FRMD4B: variants seen among roughly 807,000 people sequenced by gnomAD.
FRMD4B encodes the protein FERM domain-containing protein 4B.
A neutral mutation model predicts 141.5 loss-of-function variants in FRMD4B; 74 were observed. The observed-to-expected ratio is 0.52, with a 90% confidence interval of 0.43 to 0.63. The LOEUF (loss-of-function observed/expected upper bound fraction) is 0.63, where lower values mean the gene tolerates loss of function less well. FRMD4B is among the 30% of genes least tolerant of loss of function. FRMD4B has a pLI of 0.00. For synonymous variants in FRMD4B, 506 were observed against 467.9 expected, an observed-to-expected ratio of 1.08 and a Z score of -1.05; for missense variants, 1,366 against 1,253.4, an observed-to-expected ratio of 1.09 and a Z score of -1.36.
At chr3:69,206,571 G>A (rs1197943410) in intron 11 of FRMD4B, among the ~76,000 whole-genome samples, 1 of 152,172 alleles carries the variant, frequency 6.6e-6, no homozygotes, top group South Asian at 2.1e-4. Context: ...TAAGACTCTC[G>A]TTAGCGTGCT....
chr3:69,464,006 T>C (rs1398742341), intron 1 of FRMD4B, among the ~76,000 whole-genome samples: 2 of 152,200 alleles, frequency 1.3e-5, no homozygotes, highest in African/African-American at 4.8e-5. Flanking sequence ...AAACTGTGAA[T>C]AAGTGAAGCC....
chr3:69,512,214 G>A (rs894757755), intron 1 of FRMD4B, among the ~76,000 whole-genome samples: 3 of 152,164 alleles, frequency 2.0e-5, no homozygotes, highest in Admixed American at 2.0e-4. Flanking sequence ...CGGGGCTGGA[G>A]TTAAGAGGAA....
In FRMD4B at chr3:69,302,440, G is replaced by A. The variant is rs1298442116; in HGVS notation, c.324-5C>T. ...TGCAGCCAGTTCTGCTGACCTCTGT[G>A]AGAGCAAAGCAAAGAAAAAGGATTC... On this transcript the variant is annotated splice_region_variant and splice_polypyrimidine_tract_variant and intron_variant, in intron 3 of 22. Transcript: ENST00000398540. 1 of 1,541,834 alleles carries A rather than the reference G, an allele frequency of 6.5e-7. No individual in the cohort carries two copies. Among genetic ancestry groups the A allele is most frequent in the Non-Finnish European group, 8.9e-7 (1 of 1,119,960 alleles).
chr3:69,330,489 G>A (rs1313821746), intron 1 of FRMD4B, among the ~76,000 whole-genome samples: 3 of 151,416 alleles, frequency 2.0e-5, no homozygotes, highest in Non-Finnish European at 2.9e-5. Flanking sequence ...TGGGATTACA[G>A]GTGTGCGGAA....
intron 1 of FRMD4B, among the ~76,000 whole-genome samples, chr3:69,479,852 C>G (rs1021802059): frequency 2.0e-5 from 3 of 152,160 alleles, no homozygotes; most frequent in African/African-American, 7.2e-5. Flanking sequence ...AGCAATCTGA[C>G]GTAGATTTGG....
chr3:69,434,627 A>G (rs1333498867), intron 1 of FRMD4B, among the ~76,000 whole-genome samples: 1 of 152,234 alleles, frequency 6.6e-6, no homozygotes, highest in Non-Finnish European at 1.5e-5. Flanking sequence ...AACTATTAAC[A>G]TGCAGGAGGG....
At chr3:69,175,512 T>C (rs905789853) in intron 22 of FRMD4B, among the ~76,000 whole-genome samples, 1 of 152,112 alleles carries the variant, frequency 6.6e-6, no homozygotes, top group Non-Finnish European at 1.5e-5. Context: ...ATAACAAACA[T>C]AGGATCAGAT....
chr3:69,308,542 A>G (rs555430024), intron 3 of FRMD4B, among the ~76,000 whole-genome samples: 1 of 151,904 alleles, frequency 6.6e-6, no homozygotes, highest in Admixed American at 6.6e-5. Context: ...GGCTCATGCA[A>G]TCCTCCCACC....
intron 1 of FRMD4B, among the ~76,000 whole-genome samples, chr3:69,444,203 C>T (rs1158220929): frequency 3.9e-5 from 6 of 152,156 alleles, no homozygotes; most frequent in Admixed American, 3.9e-4. Context: ...GAGTAACAGC[C>T]CCAATCCTTC....
At chr3:69,402,262 A>C (rs1704575955) in intron 2 of FRMD4B, among the ~76,000 whole-genome samples, 1 of 152,144 alleles carries the variant, frequency 6.6e-6, no homozygotes, top group Non-Finnish European at 1.5e-5. Flanking sequence ...CTTCTGGGAA[A>C]CCTAGCTTAA....
Position 69,319,311 on chromosome 3 carries a change from A to C in FRMD4B, c.163-5794T>G, listed in dbSNP as rs1701915399. On this transcript the variant is annotated intron_variant, in intron 1 of 22. Transcript: ENST00000398540. Reference sequence around the variant, plus strand: ...CCTGACAGCATTTAATCTGAAACTCAGAATAAAATCAGCCACTTCTGAGGC... The same window carrying C: ...CCTGACAGCATTTAATCTGAAACTCCGAATAAAATCAGCCACTTCTGAGGC... Among the ~76,000 whole-genome samples the C allele has an allele frequency of 2.0e-5, 3 of 152,226 alleles. No individual in the cohort carries two copies. The South Asian group carries it at 6.2e-4, about 31-fold the overall frequency.
intron 18 of FRMD4B, among the ~76,000 whole-genome samples, chr3:69,189,014 G>A (rs2107625123): frequency 6.6e-6 from 1 of 152,032 alleles, no homozygotes; most frequent in Middle Eastern, 3.4e-3. Flanking sequence ...CTTAGGTCAG[G>A]AGTTCGAGAC....
chr3:69,347,971 A>G (rs1703002954), intron 1 of FRMD4B, among the ~76,000 whole-genome samples: 1 of 152,220 alleles, frequency 6.6e-6, no homozygotes, highest in South Asian at 2.1e-4. Context: ...AAGGCAAGAA[A>G]TAACTAAGAT....
chr3:69,268,674 G>A (rs2093579927), intron 5 of FRMD4B, among the ~76,000 whole-genome samples: 1 of 151,922 alleles, frequency 6.6e-6, no homozygotes, highest in Non-Finnish European at 1.5e-5. Flanking sequence ...TCAGGAGGAA[G>A]AAAATTACAG....
At chr3:69,495,523 G>C (rs958259326) in intron 1 of FRMD4B, among the ~76,000 whole-genome samples, 1 of 152,112 alleles carries the variant, frequency 6.6e-6, no homozygotes. Context: ...AAAGAGATGG[G>C]CTTTTCCTAT....
At position 69,170,012 on chromosome 3, in the gene FRMD4B, T is replaced by G. The variant is rs1193165558; in HGVS notation, c.*1849A>C. On this transcript the variant is annotated 3_prime_UTR_variant, in exon 23 of 23. Transcript: ENST00000398540. Reference sequence around the variant, plus strand: ...GCATTTCATCAATTCTAAGGCAACTTTATTGTAAGACACAGCATTATTTTT... The same window carrying G: ...GCATTTCATCAATTCTAAGGCAACTGTATTGTAAGACACAGCATTATTTTT... 3 of 152,174 alleles carry G rather than the reference T, an allele frequency of 2.0e-5. No individual in the cohort carries two copies. The highest frequency in any genetic ancestry group is 2.0e-4 in the Admixed American group (3 of 15,276). The allele number at this position is 152,174 out of a possible 1,614,324, so 9.4% of individuals were successfully genotyped here.
chr3:69,255,930 A>C (rs573321089), intron 5 of FRMD4B, among the ~76,000 whole-genome samples: 21 of 152,132 alleles, frequency 1.4e-4, no homozygotes, highest in Non-Finnish European at 2.9e-4. Context: ...CAGTTCAAAA[A>C]TTGACAAGAA....
intron 1 of FRMD4B, among the ~76,000 whole-genome samples, chr3:69,349,604 T>G (rs1401435798): frequency 6.6e-6 from 1 of 152,090 alleles, no homozygotes; most frequent in Non-Finnish European, 1.5e-5. Flanking sequence ...CAAAAAAGCA[T>G]GGTACTGGTA....
chr3:69,356,652 A>T (rs1376036614), intron 1 of FRMD4B, among the ~76,000 whole-genome samples: 1 of 149,114 alleles, frequency 6.7e-6, no homozygotes, highest in Non-Finnish European at 1.5e-5. Flanking sequence ...ACATATATAT[A>T]TAATATCCTA....
Sources: gnomAD v4.1 joint callset for allele counts (sites outside exome capture counted in the v4.1 genomes callset) on GRCh38, gnomAD v4.1.1 for gene constraint, MANE v1.5 for transcripts, NCBI Gene and HGNC (gene_info 2026-07-23, HGNC 2026-07-21) for gene names.